FADS6: variants seen among roughly 807,000 people sequenced by gnomAD.
FADS6 encodes fatty acid desaturase 6, also known as fatty acid desaturase domain family, member 6.
FADS6 carries 28 observed loss-of-function variants against 31.7 expected under a neutral mutation model. The ratio of observed to expected loss-of-function variants is 0.88; its 90% confidence interval spans 0.66 to 1.21. The LOEUF is 1.21. Among genes scored for constraint, FADS6 ranks in the 50% most tolerant of loss-of-function variants. The pLI is 0.00. For missense variants in FADS6, 494 were observed against 504.2 expected, an observed-to-expected ratio of 0.98 and a Z score of 0.19; for synonymous variants, 191 against 213.1, an observed-to-expected ratio of 0.90 and a Z score of 0.90.
intron 3 of FADS6, among the ~76,000 whole-genome samples, chr17:74,881,534 T>C (rs1019457018): frequency 9.9e-5 from 15 of 151,820 alleles, no homozygotes; most frequent in Non-Finnish European, 1.9e-4. Flanking sequence ...CCCATCTCTA[T>C]CAAAAATACA....
intron 4 of FADS6, among the ~76,000 whole-genome samples, chr17:74,880,260 A>C (rs1317977874): frequency 6.6e-6 from 1 of 152,112 alleles, no homozygotes; most frequent in Non-Finnish European, 1.5e-5. Flanking sequence ...TTCTCGGGGC[A>C]GGCACTAGGG....
At chr17:74,890,243 C>A (rs1289816223) in intron 2 of FADS6, among the ~76,000 whole-genome samples, 1 of 152,178 alleles carries the variant, frequency 6.6e-6, no homozygotes, top group African/African-American at 2.4e-5. Flanking sequence ...CAGGCGTGAG[C>A]CCCACTGTCC....
chr17:74,876,405 C>T (rs2144699044), downstream of FADS6, among the ~76,000 whole-genome samples: 1 of 152,292 alleles, frequency 6.6e-6, no homozygotes, highest in Admixed American at 6.5e-5. Context: ...ATTGTCACAA[C>T]TTGAGCTCCC....
At position 74,880,126 on chromosome 17, in the gene FADS6, G is replaced by A. The variant is rs144080054; in HGVS notation, c.781-543C>T. ...GGTAAGTGCTGGACAAGGAAGTACA[G>A]GAAGCTCTACTCTGAGGCCTTCCCT... is the stretch of plus-strand genomic sequence containing the variant. On this transcript the variant is annotated intron_variant, in intron 4 of 5. Coordinates refer to ENST00000612771, the MANE Select transcript of FADS6 (RefSeq NM_178128.6). Among the ~76,000 whole-genome samples the A allele has an allele frequency of 6.8e-4, 104 of 152,256 alleles. 1 individual carries two copies. Among genetic ancestry groups the A allele is most frequent in the Admixed American group, 3.4e-3 (52 of 15,288 alleles).
intron 2 of FADS6, 26 bp from the exon 3 acceptor site, chr17:74,882,736 C>A (rs1314987042): frequency 6.3e-7 from 1 of 1,594,936 alleles, no homozygotes; most frequent in East Asian, 2.3e-5. Context: ...AGAAATGACA[C>A]TGGGGTCCCT....
intron 2 of FADS6, among the ~76,000 whole-genome samples, chr17:74,887,071 T>C (rs2038631162): frequency 6.6e-6 from 1 of 151,372 alleles, no homozygotes; most frequent in African/African-American, 2.4e-5. Context: ...TTTTTTTTTT[T>C]TTTTTTTGAG....
At chr17:74,876,259 GTCT>G (rs2038507219), downstream of FADS6, among the ~76,000 whole-genome samples, 1 of 152,176 alleles carries the variant, frequency 6.6e-6, no homozygotes, top group African/African-American at 2.4e-5. Context: ...CCGGCAGTTT[GTCT>G]CCCTATCAGC....
intron 5 of FADS6, 67 bp downstream of exon 5, chr17:74,879,337 A>G: frequency 6.4e-7 from 1 of 1,563,762 alleles, no homozygotes; most frequent in Non-Finnish European, 8.7e-7. Flanking sequence ...CCCCAGGCCG[A>G]AGAATCTTCC....
At chr17:74,883,978 T>C (rs1315362358) in intron 2 of FADS6, among the ~76,000 whole-genome samples, 1 of 152,186 alleles carries the variant, frequency 6.6e-6, no homozygotes, top group Non-Finnish European at 1.5e-5. Flanking sequence ...CCATTTGTTC[T>C]TTCATGCAGT....
intron 2 of FADS6, among the ~76,000 whole-genome samples, chr17:74,889,531 C>T (rs2038665090): frequency 6.8e-6 from 1 of 146,596 alleles, no homozygotes; most frequent in South Asian, 2.2e-4. Context: ...TGCAAACTTG[C>T]AGTTAAAAAA....
chr17:74,881,455 T>C (rs945044236), intron 3 of FADS6, among the ~76,000 whole-genome samples, 200 bp from the exon 4 acceptor site: 9 of 152,114 alleles, frequency 5.9e-5, no homozygotes, highest in African/African-American at 2.2e-4. Context: ...CCCAGCACTT[T>C]GGGAGGCCAC....
chr17:74,887,939 G>C (rs1408482873), intron 2 of FADS6, among the ~76,000 whole-genome samples: 1 of 152,126 alleles, frequency 6.6e-6, no homozygotes, highest in African/African-American at 2.4e-5. Context: ...ACCCTCCTCG[G>C]CCTCCCAAAG....
At position 74,883,050 on chromosome 17, in the gene FADS6, G is replaced by A. The variant is rs549227411; in HGVS notation, c.412-340C>T. Among the ~76,000 whole-genome samples, 50 of 152,306 alleles carry A rather than the reference G, an allele frequency of 3.3e-4. 1 individual carries two copies. Among genetic ancestry groups the A allele is most frequent in the African/African-American group, 1.0e-3 (42 of 41,570 alleles). The stretch of plus-strand genomic sequence containing the variant: ...TGGAGGCACTGCAGGTGATGACCCC[G>A]GCATCCAATGCAATGATTTTGTGTG... On this transcript the variant is annotated intron_variant, in intron 2 of 5. Transcript: ENST00000612771.
At chr17:74,880,927 A>C (rs1396872978) in intron 4 of FADS6, 141 bp downstream of exon 4, 1 of 851,000 alleles carries the variant, frequency 1.2e-6, no homozygotes, top group Non-Finnish European at 1.8e-6. Flanking sequence ...AGGCGAGGGC[A>C]CAGTGTGATG....
intron 4 of FADS6, 51 bp downstream of exon 4, chr17:74,881,017 T>A: frequency 6.5e-7 from 1 of 1,548,942 alleles, no homozygotes. Flanking sequence ...TCAGGGCCCC[T>A]GGAGAATGCT....
downstream of FADS6, among the ~76,000 whole-genome samples, chr17:74,876,799 TAA>T (rs907361236): frequency 6.8e-6 from 1 of 146,904 alleles, no homozygotes; most frequent in South Asian, 2.1e-4. Flanking sequence ...TCCATCTCCA[TAA>T]AAAAAAAAGT....
In FADS6 at chr17:74,888,126, CCACACACACACACA is replaced by C. The variant is rs1165268903; in HGVS notation, c.411+4383_411+4396del. Among the ~76,000 whole-genome samples, 117 of 127,992 alleles carry C rather than the reference CCACACACACACACA, an allele frequency of 9.1e-4. 1 individual carries two copies. Among genetic ancestry groups the C allele is most frequent in the Middle Eastern group, 3.7e-3 (1 of 270 alleles). The allele number at this position is 127,992 out of a possible 152,430, so 84.0% of individuals were successfully genotyped here. A position where few individuals can be genotyped will look rare whatever the true frequency, so the allele number is the denominator to read the frequency against. On this transcript the variant is annotated intron_variant, in intron 2 of 5. Coordinates refer to ENST00000612771, the MANE Select transcript of FADS6 (RefSeq NM_178128.6). Reference sequence around the variant, plus strand: ...GCATGGTGTAGGTGGAGCTGAGACACCACACACACACACACACACACACACACACGCGCGCGCGC... The same window carrying C: ...GCATGGTGTAGGTGGAGCTGAGACACCACACACACACACACGCGCGCGCGC...
At chr17:74,886,458 TAAAAAA>T (rs60503024) in intron 2 of FADS6, among the ~76,000 whole-genome samples, 28 of 82,908 alleles carry the variant, frequency 3.4e-4, no homozygotes, top group African/African-American at 1.2e-3. Flanking sequence ...AAATCCTGTC[TAAAAAA>T]AAAAAAAAAA....
intron 2 of FADS6, among the ~76,000 whole-genome samples, chr17:74,890,770 G>A (rs744259): frequency 0.022 from 3,311 of 152,138 alleles, 118 homozygotes; most frequent in African/African-American, 0.075. Flanking sequence ...CTGGGTTTCC[G>A]GTGGAGCGCT....
Sources: gnomAD v4.1 joint callset for allele counts (sites outside exome capture counted in the v4.1 genomes callset) on GRCh38, gnomAD v4.1.1 for gene constraint, MANE v1.5 for transcripts, NCBI Gene and HGNC (gene_info 2026-07-23, HGNC 2026-07-21) for gene names.